Variants in SLC35F4 observed in about 807,000 individuals in gnomAD.
SLC35F4 encodes the protein solute carrier family 35 member F4, also known as chromosome 14 open reading frame 36.
Under a neutral mutation model 44.2 loss-of-function variants are expected in SLC35F4, and 24 were observed. The ratio of observed to expected loss-of-function variants is 0.54; its 90% CI spans 0.39 to 0.76. The LOEUF is 0.76. Ranked by LOEUF, SLC35F4 falls within the 30% of genes least tolerant of loss-of-function variation. The pLI, the probability that SLC35F4 is intolerant of heterozygous loss-of-function variation, is 0.00. For missense variants in SLC35F4, 562 were observed against 586.1 expected (o/e 0.96, Z 0.42); for synonymous variants, 238 against 223.6 (o/e 1.06, Z -0.57).
At chr14:57,870,980 A>G (rs563816245), upstream of SLC35F4, among the ~76,000 whole-genome samples, 23 of 152,350 alleles carry the variant, frequency 1.5e-4, no homozygotes, top group South Asian at 4.3e-3. Context: ...CCTTTAAGGA[A>G]GCATGAGCAC....
chr14:57,837,907 A>G (rs997327678), intron 1 of SLC35F4, among the ~76,000 whole-genome samples: 1 of 152,190 alleles, frequency 6.6e-6, no homozygotes, highest in Non-Finnish European at 1.5e-5. Flanking sequence ...CCTTTCATAC[A>G]GGGAAAGCAC....
At chr14:57,753,149 C>T (rs2076923582) in intron 1 of SLC35F4, among the ~76,000 whole-genome samples, 1 of 152,178 alleles carries the variant, frequency 6.6e-6, no homozygotes, top group African/African-American at 2.4e-5. Flanking sequence ...ATGATATGCA[C>T]TATTTCTTGG....
chr14:57,642,031 T>C (rs755660309), intron 1 of SLC35F4, among the ~76,000 whole-genome samples: 20 of 152,060 alleles, frequency 1.3e-4, no homozygotes, highest in Non-Finnish European at 2.6e-4. Context: ...ATACATACTC[T>C]TATTTCTAGA....
At chr14:57,672,104 G>T (rs1260357751) in intron 1 of SLC35F4, among the ~76,000 whole-genome samples, 1 of 152,102 alleles carries the variant, frequency 6.6e-6, no homozygotes, top group Non-Finnish European at 1.5e-5. Flanking sequence ...ATAACTCAAT[G>T]ATTTACTTTA....
At chr14:57,618,152 A>G (rs1033255023) in intron 1 of SLC35F4, among the ~76,000 whole-genome samples, 4 of 152,234 alleles carry the variant, frequency 2.6e-5, no homozygotes, top group Admixed American at 6.5e-5. Context: ...AGTAAAACCA[A>G]TTGATCACAT....
chr14:57,646,436 G>C (rs1007450565), intron 1 of SLC35F4, among the ~76,000 whole-genome samples: 1 of 152,088 alleles, frequency 6.6e-6, no homozygotes, highest in African/African-American at 2.4e-5. Flanking sequence ...ATTCTCTGAC[G>C]GTAGTTTGTA....
At chr14:57,904,429 A>G (rs1889069629) in intron 1 of SLC35F4, among the ~76,000 whole-genome samples, 1 of 152,244 alleles carries the variant, frequency 6.6e-6, no homozygotes, top group Non-Finnish European at 1.5e-5. Flanking sequence ...GAGCAATTAC[A>G]TGGACTCCCA....
intron 1 of SLC35F4, among the ~76,000 whole-genome samples, chr14:57,916,037 C>A (rs534198764): frequency 6.6e-6 from 1 of 152,268 alleles, no homozygotes; most frequent in South Asian, 2.1e-4. Flanking sequence ...TAGACTATCA[C>A]AAATGGGTAA....
intron 1 of SLC35F4, among the ~76,000 whole-genome samples, chr14:57,665,099 C>T (rs899342229): frequency 2.0e-5 from 3 of 152,114 alleles, no homozygotes; most frequent in Non-Finnish European, 4.4e-5. Flanking sequence ...GTCATCCACT[C>T]CTCATATTTT....
chr14:57,656,863 G>A (rs1734236076), intron 1 of SLC35F4, among the ~76,000 whole-genome samples: 1 of 152,060 alleles, frequency 6.6e-6, no homozygotes, highest in African/African-American at 2.4e-5. Context: ...CCCCATCTGT[G>A]CTTCTGTGAT....
chr14:57,776,985 A>G (rs1305473004), intron 1 of SLC35F4, among the ~76,000 whole-genome samples: 1 of 152,240 alleles, frequency 6.6e-6, no homozygotes, highest in African/African-American at 2.4e-5. Context: ...TCAGCCACTA[A>G]AAAACACACT....
At chr14:57,772,802 T>A in intron 1 of SLC35F4, among the ~76,000 whole-genome samples, 1 of 152,226 alleles carries the variant, frequency 6.6e-6, no homozygotes, top group East Asian at 1.9e-4. Flanking sequence ...TTGTGAATAG[T>A]GCTGCTGTGA....
intron 1 of SLC35F4, among the ~76,000 whole-genome samples, chr14:57,955,880 G>T (rs919552174): frequency 6.6e-6 from 1 of 152,126 alleles, no homozygotes. Flanking sequence ...GTAATTTATA[G>T]ATTCAATGCT....
chr14:57,632,011 C>T lies in SLC35F4; in HGVS notation c.104-37887G>A, dbSNP rs187635431. 9.9e-5 allele frequency among the ~76,000 whole-genome samples: 15 copies of T among 152,194 alleles called. No individual in the cohort carries two copies. The South Asian group carries it at 1.5e-3, about 15-fold the overall frequency. ...AGAACAAAACAATGGTTCTGAAATA[C>T]TGTTTGTGGAATGTGTTTAAAGGAT... On this transcript the variant is annotated intron_variant, in intron 1 of 7. Transcript: ENST00000556826.
intron 1 of SLC35F4, among the ~76,000 whole-genome samples, chr14:57,945,117 T>C (rs1889999833): frequency 6.6e-6 from 1 of 152,214 alleles, no homozygotes; most frequent in Non-Finnish European, 1.5e-5. Flanking sequence ...CATATTCCCA[T>C]TGCAAAGCCC....
chr14:57,690,029 ACTCT>A (rs1175878917), intron 1 of SLC35F4, among the ~76,000 whole-genome samples: 17 of 151,898 alleles, frequency 1.1e-4, no homozygotes, highest in South Asian at 2.1e-4. Flanking sequence ...ATCTTTGCAC[ACTCT>A]CTCTTTCTAG....
At chr14:57,577,401 A>G (rs1214099015) in intron 4 of SLC35F4, among the ~76,000 whole-genome samples, 3 of 152,186 alleles carry the variant, frequency 2.0e-5, no homozygotes, top group African/African-American at 4.8e-5. Flanking sequence ...AGCCAGAGGG[A>G]CACTAATGCA....
intron 1 of SLC35F4, among the ~76,000 whole-genome samples, chr14:57,633,577 A>G (rs1020232952): frequency 2.0e-5 from 3 of 152,108 alleles, no homozygotes; most frequent in Non-Finnish European, 4.4e-5. Flanking sequence ...CTTCCCATGT[A>G]CCCTTCACCC....
intron 1 of SLC35F4, among the ~76,000 whole-genome samples, chr14:57,693,013 A>C (rs188008051): frequency 2.6e-5 from 4 of 152,222 alleles, no homozygotes; most frequent in South Asian, 2.1e-4. Flanking sequence ...GACAAAAATT[A>C]AAAAATCCCA....
Sources: gnomAD v4.1 joint callset for allele counts (sites outside exome capture counted in the v4.1 genomes callset) on GRCh38, gnomAD v4.1.1 for gene constraint, MANE v1.5 for transcripts, NCBI Gene and HGNC (gene_info 2026-07-23, HGNC 2026-07-21) for gene names.